Variants in PLOD2 observed in about 807,000 individuals in gnomAD.
The protein encoded by PLOD2 is procollagen-lysine,2-oxoglutarate 5-dioxygenase 2, also known as lysine hydroxylase 2.
Under a neutral mutation model 101.0 loss-of-function variants are expected in PLOD2, and 65 were observed. The ratio of observed to expected loss-of-function variants is 0.64; its 90% CI spans 0.53 to 0.79. PLOD2 has a LOEUF of 0.79. PLOD2 is among the 30% of genes least tolerant of loss of function. The pLI, the probability that PLOD2 is intolerant of heterozygous loss-of-function variation, is 0.00. For missense variants in PLOD2, 909 were observed against 914.6 expected, an observed-to-expected ratio of 0.99 and a Z score of 0.08; for synonymous variants, 314 against 302.9, an observed-to-expected ratio of 1.04 and a Z score of -0.38.
intron 2 of PLOD2, 83 bp downstream of exon 2, chr3:146,124,055 G>A: frequency 1.3e-6 from 1 of 781,424 alleles, no homozygotes; most frequent in Non-Finnish European, 2.3e-6. Context: ...TCCTTGTGAG[G>A]ATTACAGATT....
Position 146,160,917 on chromosome 3 carries a change from C to A in PLOD2, c.73G>T (p.Gly25Cys). Residue 25 changes from glycine to cysteine, a missense_variant, in exon 1 of 20, where the codon GGT (glycine) becomes TGT (cysteine). Gly to Cys is a radical substitution (Grantham distance 159). Coordinates refer to ENST00000282903, the MANE Select transcript of PLOD2 (RefSeq NM_182943.3). Reference sequence around the variant, plus strand: ...CTCGAGGGCTTCTCCGAGTCCGCACCCAGACAGGGATTCCAGGGGTGGAGG... The same window carrying A: ...CTCGAGGGCTTCTCCGAGTCCGCACACAGACAGGGATTCCAGGGGTGGAGG... ...LVLHPWNPCL[G>C]ADSEKPSSIP... 6.3e-7 allele frequency: 1 copy of A among 1,596,806 alleles called. No homozygotes were observed. The highest frequency in any genetic ancestry group is 2.3e-5 in the East Asian group (1 of 44,178).
chr3:146,105,064 A>G (rs897850217), intron 5 of PLOD2: 2 of 152,258 alleles, frequency 1.3e-5, no homozygotes, highest in East Asian at 1.9e-4. Flanking sequence ...ACTGGGAGCT[A>G]TGGACCAATG....
chr3:146,070,500 C>A lies in PLOD2; in HGVS notation c.*217G>T, dbSNP rs1936086217. 5.6e-6 allele frequency: 2 copies of A among 359,616 alleles called. No individual in the cohort carries two copies. Among genetic ancestry groups the A allele is most frequent in the South Asian group, 2.0e-4 (2 of 10,106 alleles). The allele number at this position is 359,616 out of a possible 1,614,324, so 22.3% of individuals were successfully genotyped here. ...AAATAAATATTTAAGTTTTTTCTTT[C>A]TTTTCTTCTTCAATCTGTGTTTTAA... On this transcript the variant is annotated 3_prime_UTR_variant, in exon 20 of 20. Coordinates refer to ENST00000282903, the MANE Select transcript of PLOD2 (RefSeq NM_182943.3).
At chr3:146,143,274 T>C (rs1009430563) in intron 1 of PLOD2, among the ~76,000 whole-genome samples, 128 of 150,558 alleles carry the variant, frequency 8.5e-4, no homozygotes, top group African/African-American at 2.8e-3. Flanking sequence ...TAACTCGTGT[T>C]TACAATCTAT....
At chr3:146,080,849 C>T (rs989983968) in intron 12 of PLOD2, among the ~76,000 whole-genome samples, 1 of 152,096 alleles carries the variant, frequency 6.6e-6, no homozygotes, top group African/African-American at 2.4e-5. Context: ...TAACAAAAAC[C>T]TTTATTGTAT....
chr3:146,081,601 A>T, intron 12 of PLOD2, 137 bp downstream of exon 12: 3 of 630,814 alleles, frequency 4.8e-6, no homozygotes, highest in Non-Finnish European at 8.2e-6. Context: ...TCAGGATTCC[A>T]AGTGGTCTTG....
chr3:146,160,691 G>T (rs2032531762), intron 1 of PLOD2, 190 bp downstream of exon 1: 1 of 557,160 alleles, frequency 1.8e-6, no homozygotes, highest in Non-Finnish European at 3.2e-6. Context: ...ACGAGGGCGG[G>T]TGCCCCTACA....
At position 146,080,485 on chromosome 3, in the gene PLOD2, G is replaced by C. The variant is rs535813651; in HGVS notation, c.1359-1228C>G. 1.7e-4 allele frequency among the ~76,000 whole-genome samples: 26 copies of C among 151,782 alleles called. No homozygotes were observed. The South Asian group carries it at 3.7e-3, about 22-fold the overall frequency. ...CAGCTAAATTCAGAAATTAATCTCT[G>C]GGGAATTATTCAGTGTTTCAACTTA... is the stretch of plus-strand genomic sequence containing the variant. On this transcript the variant is annotated intron_variant, in intron 12 of 19. Coordinates refer to ENST00000282903, the MANE Select transcript of PLOD2 (RefSeq NM_182943.3).
chr3:146,086,940 G>A (rs1252958601), intron 9 of PLOD2, 32 bp from the exon 10 acceptor site: 3 of 1,322,976 alleles, frequency 2.3e-6, no homozygotes, highest in Non-Finnish European at 3.2e-6. Flanking sequence ...AAAAATTAGA[G>A]AATAAGACAA....
chr3:146,155,118 G>A lies in PLOD2; in HGVS notation c.109+5763C>T, dbSNP rs75764647. ...ATTCTGTACTGCTGCACCATCTTTA[G>A]TAGTGTAATTACCAAATATGGGTTG... is the stretch of plus-strand genomic sequence containing the variant. On this transcript the variant is annotated intron_variant, in intron 1 of 19. Coordinates refer to ENST00000282903, the MANE Select transcript of PLOD2 (RefSeq NM_182943.3). 2.8e-3 allele frequency among the ~76,000 whole-genome samples: 423 copies of A among 152,194 alleles called. 3 individuals are homozygous for A. Among genetic ancestry groups the A allele is most frequent in the African/African-American group, 9.8e-3 (405 of 41,524 alleles).
intron 6 of PLOD2, among the ~76,000 whole-genome samples, chr3:146,103,468 T>A (rs1382956283): frequency 1.3e-5 from 2 of 151,918 alleles, no homozygotes; most frequent in Admixed American, 6.6e-5. Flanking sequence ...GAATTTTTTT[T>A]TTTTTTTTAG....
At chr3:146,155,686 G>C (rs1289480594) in intron 1 of PLOD2, among the ~76,000 whole-genome samples, 2 of 146,076 alleles carry the variant, frequency 1.4e-5, no homozygotes, top group African/African-American at 2.5e-5. Context: ...CTGCACTCCA[G>C]CCTGGGCGAC....
At position 146,071,120 on chromosome 3, in the gene PLOD2, C is replaced by T. The variant is rs774924632; in HGVS notation, c.2043G>A (p.Gln681=). 6.2e-7 allele frequency: 1 copy of T among 1,610,932 alleles called. No homozygotes were observed. The highest frequency in any genetic ancestry group is 8.5e-7 in the Non-Finnish European group (1 of 1,177,832). ...CATCATGATGAGGACGAAGAGAACG[C>T]TGTCGTTCAGGGGAGTATTTTACTA... is the stretch of plus-strand genomic sequence containing the variant. ...NFVVKYSPER[Q]RSLRPHHDAS... is the part of the protein sequence containing the mutation. The change falls in exon 19 of 20, where the codon CAG becomes CAA. Residue 681 remains glutamine, a synonymous_variant. Transcript: ENST00000282903.
intron 7 of PLOD2, among the ~76,000 whole-genome samples, chr3:146,095,444 C>G (rs372384367): frequency 4.0e-5 from 6 of 150,784 alleles, no homozygotes; most frequent in African/African-American, 1.5e-4. Flanking sequence ...ATGTGGCCAA[C>G]AAACATGAAA....
chr3:146,112,308 C>T (rs79240356), intron 3 of PLOD2, among the ~76,000 whole-genome samples: 1 of 152,070 alleles, frequency 6.6e-6, no homozygotes, highest in South Asian at 2.1e-4. Flanking sequence ...ACATGGAATA[C>T]TATTCAGCCA....
At position 146,122,657 on chromosome 3, in the gene PLOD2, AC is replaced by A. The variant is rs550942842; in HGVS notation, c.202-1410del. Among the ~76,000 whole-genome samples the A allele has an allele frequency of 1.7e-3, 253 of 152,284 alleles. 2 individuals carry two copies. Among genetic ancestry groups the A allele is most frequent in the Non-Finnish European group, 2.7e-3 (184 of 68,012 alleles). On this transcript the variant is annotated intron_variant, in intron 2 of 19. Transcript: ENST00000282903. ...TCCACACTTTGGGAACCACTGCATT[AC>A]ATGAGGAGAGAGCAAAAGGATCATA...
chr3:146,117,815 T>C (rs904083506), intron 3 of PLOD2, among the ~76,000 whole-genome samples: 2 of 152,044 alleles, frequency 1.3e-5, no homozygotes, highest in Non-Finnish European at 2.9e-5. Flanking sequence ...TAAAGTATCA[T>C]CTAAATCAAC....
intron 9 of PLOD2, among the ~76,000 whole-genome samples, chr3:146,087,873 A>G (rs1465477081): frequency 6.6e-6 from 1 of 151,848 alleles, no homozygotes; most frequent in Non-Finnish European, 1.5e-5. Context: ...CAGTTAAAAT[A>G]TTCTCTGGAC....
rs1348689058 is a variant in PLOD2 at position 146,104,412 on chromosome 3, A to G, written c.616-70T>C. 60 of 827,910 alleles carry G rather than the reference A, an allele frequency of 7.2e-5. No individual in the cohort carries two copies. The Admixed American group carries it at 1.1e-3, about 15-fold the overall frequency. The allele number at this position is 827,910 out of a possible 1,614,324, so 51.3% of individuals were successfully genotyped here. A position where few individuals can be genotyped will look rare whatever the true frequency, so the allele number is the denominator to read the frequency against. On this transcript the variant is annotated intron_variant, in intron 5 of 19. Coordinates refer to ENST00000282903, the MANE Select transcript of PLOD2 (RefSeq NM_182943.3). ...CAGCAAACATTCCTATCATATTAAT[A>G]TAGTTTGTTCTTTGAGGGAATTTAA... is the stretch of plus-strand genomic sequence containing the variant.
Sources: gnomAD v4.1 joint callset for allele counts (sites outside exome capture counted in the v4.1 genomes callset) on GRCh38, gnomAD v4.1.1 for gene constraint, MANE v1.5 for transcripts, NCBI Gene and HGNC (gene_info 2026-07-23, HGNC 2026-07-21) for gene names.